The following SLC25A43 variants were observed in gnomAD, a reference collection of about 807,000 sequenced individuals.
SLC25A43 encodes solute carrier family 25 member 43.
Under a neutral mutation model 22.8 loss-of-function variants are expected in SLC25A43, and 10 were observed. That is an observed-to-expected ratio of 0.44 (90% CI 0.27 to 0.74). The LOEUF is 0.74. Among genes scored for constraint, SLC25A43 ranks in the 30% least tolerant of loss-of-function variants. The pLI is 0.17. For synonymous variants in SLC25A43, 106 were observed against 121.6 expected (o/e 0.87, Z 0.84); for missense variants, 233 against 279.1 (o/e 0.83, Z 1.18).
In SLC25A43 at chrX:119,451,229, A is replaced by G. The variant is rs187517483; in HGVS notation, c.691-780A>G. 3.6e-5 allele frequency among the ~76,000 whole-genome samples: 4 copies of G among 111,784 alleles called. No homozygotes were observed. The Admixed American group carries it at 3.8e-4, about 11-fold the overall frequency. The stretch of plus-strand genomic sequence containing the variant: ...AGAGATGGAGCATTTTGGTAATAAT[A>G]GGGTTCCGTCAGGATGGCTCTGAAG... On this transcript the variant is annotated intron_variant, in intron 3 of 4. Coordinates refer to ENST00000217909, the MANE Select transcript of SLC25A43 (RefSeq NM_145305.3).
At chrX:119,452,448 T>C (rs2052713511) in intron 4 of SLC25A43, among the ~76,000 whole-genome samples, 1 of 106,321 alleles carries the variant, frequency 9.4e-6, no homozygotes, top group Non-Finnish European at 1.9e-5. Context: ...CAAAAATGTA[T>C]GTGTATATGC....
At chrX:119,424,799 G>A (rs1399741418) in intron 3 of SLC25A43, among the ~76,000 whole-genome samples, 1 of 113,090 alleles carries the variant, frequency 8.8e-6, no homozygotes, top group East Asian at 2.8e-4. Flanking sequence ...GATACCTGGC[G>A]AAGGCCAGCT....
chrX:119,420,728 A>G (rs1341042273), intron 3 of SLC25A43, among the ~76,000 whole-genome samples: 1 of 112,293 alleles, frequency 8.9e-6, no homozygotes, highest in East Asian at 2.8e-4. Context: ...AAGAAGTTAC[A>G]AAAACAAATG....
intron 3 of SLC25A43, among the ~76,000 whole-genome samples, chrX:119,442,632 A>T (rs2052630770): frequency 8.9e-6 from 1 of 112,207 alleles, no homozygotes; most frequent in Non-Finnish European, 1.9e-5. Context: ...AAGGAGGTTG[A>T]GTCCGAACAA....
intron 3 of SLC25A43, among the ~76,000 whole-genome samples, chrX:119,446,444 T>TCCTC (rs2052669391): frequency 8.9e-6 from 1 of 112,273 alleles, no homozygotes; most frequent in African/African-American, 3.2e-5. Flanking sequence ...AGCCTCAGTT[T>TCCTC]CCTCAACTTT....
chrX:119,426,206 G>A (rs1056043061), intron 3 of SLC25A43: 15 of 754,004 alleles, frequency 2.0e-5, no homozygotes, highest in Admixed American at 1.8e-4. Flanking sequence ...TGCCTACGAC[G>A]GCTGTGTTCC....
intron 3 of SLC25A43, among the ~76,000 whole-genome samples, chrX:119,421,915 C>T (rs979435519): frequency 9.0e-6 from 1 of 111,338 alleles, no homozygotes; most frequent in Non-Finnish European, 1.9e-5. Context: ...GAATACCACC[C>T]ACCCCCTTTT....
At chrX:119,418,110 A>G (rs767771587) in intron 3 of SLC25A43, among the ~76,000 whole-genome samples, 1 of 111,328 alleles carries the variant, frequency 9.0e-6, no homozygotes, top group South Asian at 3.8e-4. Context: ...TGTCCAGTTA[A>G]CAACTTCATA....
chrX:119,428,820 A>G (rs1023902871), intron 3 of SLC25A43, among the ~76,000 whole-genome samples: 2 of 111,534 alleles, frequency 1.8e-5, no homozygotes, highest in Non-Finnish European at 3.8e-5. Context: ...TTAGATTCTC[A>G]TAGCAGTGCA....
intron 3 of SLC25A43, among the ~76,000 whole-genome samples, chrX:119,411,489 A>G (rs369143677): frequency 1.9e-5 from 2 of 105,034 alleles, no homozygotes; most frequent in Admixed American, 1.0e-4. Context: ...AACAAGAGCA[A>G]AACTCTGTCT....
rs775009010 is a variant in SLC25A43 at position 119,406,678 on chromosome X, G to A, written c.494G>A (p.Arg165Gln). 44 of 1,211,625 alleles carry A rather than the reference G, an allele frequency of 3.6e-5. No individual in the cohort carries two copies. Among genetic ancestry groups the A allele is most frequent in the Non-Finnish European group, 4.9e-5 (44 of 895,368 alleles). The change falls in exon 2 of 5, where the codon CGA (arginine) becomes CAA (glutamine). Residue 165 changes from arginine to glutamine, a missense_variant. Coordinates refer to ENST00000217909, the MANE Select transcript of SLC25A43 (RefSeq NM_145305.3). ...CAGGAAGGGTTCCTTGCCCTTTATC[G>A]AGGGGTTTCCCTCACTGTTGTAGGT... Reference protein sequence around the residue: ...YQQEGFLALYRGVSLTVVGAL... With the variant: ...YQQEGFLALYQGVSLTVVGAL...
intron 4 of SLC25A43, 134 bp downstream of exon 4, chrX:119,452,277 A>G: frequency 2.8e-6 from 2 of 724,035 alleles, no homozygotes; most frequent in Non-Finnish European, 4.0e-6. Context: ...AAGGCCCATG[A>G]ATGCACACTG....
intron 3 of SLC25A43, among the ~76,000 whole-genome samples, chrX:119,432,126 G>A (rs1199958364): frequency 9.3e-6 from 1 of 107,708 alleles, no homozygotes; most frequent in African/African-American, 3.4e-5. Context: ...AAAAAAAAAA[G>A]CTAAGGGAGC....
chrX:119,406,370 A>G, intron 1 of SLC25A43, 90 bp from the exon 2 acceptor site: 1 of 1,067,915 alleles, frequency 9.4e-7, no homozygotes, highest in South Asian at 2.2e-5. Context: ...AGTACTTTGA[A>G]ATGCTGGAAA....
chrX:119,433,339 C>A (rs1302515896), intron 3 of SLC25A43, among the ~76,000 whole-genome samples: 5 of 111,389 alleles, frequency 4.5e-5, no homozygotes. Flanking sequence ...GGCCCACTCA[C>A]ATTATGGACA....
At chrX:119,448,597 C>T (rs1371477018) in intron 3 of SLC25A43, among the ~76,000 whole-genome samples, 1 of 111,384 alleles carries the variant, frequency 9.0e-6, no homozygotes, top group African/African-American at 3.3e-5. Flanking sequence ...ATCTGTACAA[C>T]TTGCTTCCTC....
intron 3 of SLC25A43, among the ~76,000 whole-genome samples, chrX:119,432,382 G>T (rs1406911160): frequency 8.9e-6 from 1 of 111,978 alleles, no homozygotes; most frequent in African/African-American, 3.2e-5. Context: ...GGGTAGAGAT[G>T]AAAGAAGATT....
At chrX:119,424,074 G>A (rs1298003596) in intron 3 of SLC25A43, among the ~76,000 whole-genome samples, 1 of 109,599 alleles carries the variant, frequency 9.1e-6, no homozygotes, top group Non-Finnish European at 1.9e-5. Context: ...TTAGCCGGGC[G>A]TGGTGGTGGG....
intron 2 of SLC25A43, 133 bp downstream of exon 2, chrX:119,406,834 G>A: frequency 1.3e-6 from 1 of 772,436 alleles, no homozygotes; most frequent in Non-Finnish European, 1.8e-6. Flanking sequence ...CTACATAGAG[G>A]CAATTAGCTT....
Sources: gnomAD v4.1 joint callset for allele counts (sites outside exome capture counted in the v4.1 genomes callset) on GRCh38, gnomAD v4.1.1 for gene constraint, MANE v1.5 for transcripts, NCBI Gene and HGNC (gene_info 2026-07-23, HGNC 2026-07-21) for gene names.